KNTC1: variants seen among roughly 807,000 people sequenced by gnomAD.
KNTC1 encodes the protein kinetochore associated 1, also known as kinetochore-associated protein 1.
Under a neutral mutation model 314.4 loss-of-function variants are expected in KNTC1, and 253 were observed. The observed-to-expected ratio is 0.80, with a 90% CI of 0.73 to 0.89. The LOEUF (loss-of-function observed/expected upper bound fraction) is 0.89, where lower values mean the gene tolerates loss of function less well. Among genes scored for constraint, KNTC1 ranks in the 40% least tolerant of loss-of-function variants. The pLI, the probability that KNTC1 is intolerant of heterozygous loss-of-function variation, is 0.00. For missense variants in KNTC1, 2,475 were observed against 2,572.9 expected (o/e 0.96, Z 0.82); for synonymous variants, 901 against 901.4 (o/e 1.00, Z 0.01).
chr12:122,575,931 C>CT, intron 29 of KNTC1, 32 bp downstream of exon 29: 1 of 1,560,352 alleles, frequency 6.4e-7, no homozygotes, highest in Non-Finnish European at 8.6e-7. Context: ...TCTTTTTTCT[C>CT]TTTCATTTCT....
chr12:122,554,157 G>A (rs1218781790), intron 16 of KNTC1, among the ~76,000 whole-genome samples: 3 of 146,748 alleles, frequency 2.0e-5, no homozygotes, highest in African/African-American at 5.0e-5. Context: ...TCTCGAACTC[G>A]TGACCGCAAG....
At chr12:122,572,408 GAAAA>G (rs1444838569) in intron 24 of KNTC1, among the ~76,000 whole-genome samples, 1 of 150,918 alleles carries the variant, frequency 6.6e-6, no homozygotes, top group African/African-American at 2.5e-5. Flanking sequence ...CAAAAAAAAA[GAAAA>G]AAGGAAAAAT....
chr12:122,584,497 T>C, intron 35 of KNTC1, 47 bp downstream of exon 35: 1 of 1,406,344 alleles, frequency 7.1e-7, no homozygotes, highest in Non-Finnish European at 9.8e-7. Flanking sequence ...CTGGTTCATG[T>C]CATACTTGTC....
chr12:122,553,826 T>G (rs1055871962), intron 16 of KNTC1, among the ~76,000 whole-genome samples: 7 of 151,982 alleles, frequency 4.6e-5, no homozygotes, highest in Non-Finnish European at 1.0e-4. Context: ...TTAAATGTAC[T>G]GGGGAGTGAT....
chr12:122,532,818 T>A (rs1961473042), intron 2 of KNTC1, among the ~76,000 whole-genome samples: 1 of 152,212 alleles, frequency 6.6e-6, no homozygotes, highest in Non-Finnish European at 1.5e-5. Context: ...CAAGTCAGTA[T>A]ATGCTAAATG....
At chr12:122,597,645 A>T (rs1482228526) in intron 43 of KNTC1, 86 bp from the exon 44 acceptor site, 1 of 1,064,202 alleles carries the variant, frequency 9.4e-7, no homozygotes, top group Non-Finnish European at 1.4e-6. Flanking sequence ...CAACAATGGA[A>T]GCATGTACCC....
chr12:122,554,846 C>T (rs1963469087), intron 16 of KNTC1, among the ~76,000 whole-genome samples: 1 of 152,182 alleles, frequency 6.6e-6, no homozygotes, highest in African/African-American at 2.4e-5. Flanking sequence ...CTTTAAAGAA[C>T]TTTTAGTAGA....
chr12:122,561,023 G>A (rs1963931086), intron 18 of KNTC1, among the ~76,000 whole-genome samples: 1 of 152,126 alleles, frequency 6.6e-6, no homozygotes, highest in Non-Finnish European at 1.5e-5. Flanking sequence ...TTAAAAAATG[G>A]ATTCTTGGCT....
Position 122,570,869 on chromosome 12 carries a change from A to G in KNTC1, c.1861-7A>G, listed in dbSNP as rs200995461. ...TAAGAATTTCATTTTTAAATAATCT[A>G]TTTCAGATAATTCTTGCAAAATGGT... On this transcript the variant is annotated splice_polypyrimidine_tract_variant and splice_region_variant and intron_variant, in intron 22 of 63. Coordinates refer to ENST00000333479, the MANE Select transcript of KNTC1 (RefSeq NM_014708.6). 65 of 1,519,190 alleles carry G rather than the reference A, an allele frequency of 4.3e-5. No individual in the cohort carries two copies. The African/African-American group carries it at 6.9e-4, about 16-fold the overall frequency. The allele number at this position is 1,519,190 out of a possible 1,614,324, so 94.1% of individuals were successfully genotyped here.
chr12:122,591,928 TGAG>T (rs1870260891), intron 42 of KNTC1, among the ~76,000 whole-genome samples: 1 of 152,200 alleles, frequency 6.6e-6, no homozygotes, highest in South Asian at 2.1e-4. Flanking sequence ...TGGCGGCACT[TGAG>T]GAGCCCTTCG....
intron 53 of KNTC1, among the ~76,000 whole-genome samples, chr12:122,612,132 C>T (rs548046800): frequency 6.6e-6 from 1 of 151,336 alleles, no homozygotes; most frequent in Non-Finnish European, 1.5e-5. Flanking sequence ...GTGGCACAAT[C>T]TTGGCTCACT....
At position 122,601,522 on chromosome 12, in the gene KNTC1, T is replaced by G; in HGVS notation, c.4564-14T>G. 1.3e-6 allele frequency: 2 copies of G among 1,517,766 alleles called. No individual in the cohort carries two copies. Among genetic ancestry groups the G allele is most frequent in the African/African-American group, 2.8e-5 (2 of 71,394 alleles). 94.0% of individuals were successfully genotyped at this position (1,517,766 alleles called of 1,614,324 possible). On this transcript the variant is annotated splice_polypyrimidine_tract_variant and intron_variant, in intron 44 of 63. Transcript: ENST00000333479. ...AGTCTTATCAAGTTTTGATATATTT[T>G]TGTTTTTATACAGTTGGATCCTTAT...
intron 20 of KNTC1, among the ~76,000 whole-genome samples, chr12:122,566,993 C>G (rs924672905): frequency 1.4e-4 from 21 of 151,706 alleles, no homozygotes; most frequent in Non-Finnish European, 5.9e-5. Flanking sequence ...GCTTGGCCAC[C>G]GAAAGTGCTG....
rs1963872282 is a variant in KNTC1 at position 122,560,003 on chromosome 12, T to C, written c.1489-1918T>C. On this transcript the variant is annotated intron_variant, in intron 18 of 63. Coordinates refer to ENST00000333479, the MANE Select transcript of KNTC1 (RefSeq NM_014708.6). ...TGCCCATTAAACACAGACTTCCCAT[T>C]TCTCCGTCTCCCCAGCCCCTGGCAA... Among the ~76,000 whole-genome samples, 3 of 152,174 alleles carry C rather than the reference T, an allele frequency of 2.0e-5. No homozygotes were observed. The South Asian group carries it at 6.2e-4, about 31-fold the overall frequency.
At chr12:122,618,221 T>G (rs1019171604) in intron 57 of KNTC1, 122 bp from the exon 58 acceptor site, 1 of 793,324 alleles carries the variant, frequency 1.3e-6, no homozygotes, top group Non-Finnish European at 2.1e-6. Flanking sequence ...ATTCACCTGC[T>G]TCAGCCTTTC....
rs555938692 is a variant in KNTC1, at chr12:122,561,730, A to G, written c.1489-191A>G. On this transcript the variant is annotated intron_variant, in intron 18 of 63. Transcript: ENST00000333479. ...CAGCCTTCCAAAGTGCTAGGATTAC[A>G]GGCGTGAGCCACTGCCCCCAGGCAA... 9.2e-5 allele frequency among the ~76,000 whole-genome samples: 14 copies of G among 152,288 alleles called. No homozygotes were observed. The South Asian group carries it at 2.7e-3, about 29-fold the overall frequency.
At chr12:122,533,577 G>GC (rs1961553261) in intron 2 of KNTC1, among the ~76,000 whole-genome samples, 3 of 152,092 alleles carry the variant, frequency 2.0e-5, no homozygotes, top group Non-Finnish European at 4.4e-5. Flanking sequence ...TGCATGTGTA[G>GC]TCCCAGCTAC....
intron 21 of KNTC1, 132 bp downstream of exon 21, chr12:122,568,504 G>T: frequency 1.4e-6 from 1 of 717,664 alleles, no homozygotes; most frequent in South Asian, 1.6e-5. Flanking sequence ...CTTAAAATAT[G>T]ACTTGCTTTT....
intron 20 of KNTC1, among the ~76,000 whole-genome samples, chr12:122,565,690 C>T (rs1297661982): frequency 6.6e-6 from 1 of 151,852 alleles, no homozygotes; most frequent in Non-Finnish European, 1.5e-5. Flanking sequence ...TCAAGACCAG[C>T]TTGGGCAACA....
Sources: allele counts gnomAD v4.1 joint callset (sites outside exome capture counted in the v4.1 genomes callset), GRCh38; gene constraint gnomAD v4.1.1; transcripts MANE v1.5; gene names NCBI Gene and HGNC (gene_info 2026-07-23, HGNC 2026-07-21).